WARS1: variants seen among roughly 807,000 people sequenced by gnomAD.
The protein encoded by WARS1 is tryptophanyl-tRNA synthetase 1, also known as tryptophan--tRNA ligase, cytoplasmic.
A neutral mutation model predicts 47.8 loss-of-function variants in WARS1; 17 were observed. That is an observed-to-expected ratio of 0.36 (90% confidence interval 0.24 to 0.53). WARS1 has a LOEUF of 0.53. WARS1 is among the 20% of genes least tolerant of loss of function. The pLI is 0.91. For missense variants in WARS1, 434 were observed against 608.0 expected (o/e 0.71, Z 3.01); for synonymous variants, 208 against 228.1 (o/e 0.91, Z 0.79).
chr14:100,336,224 C>G (rs530203806), intron 10 of WARS1, among the ~76,000 whole-genome samples: 1 of 142,820 alleles, frequency 7.0e-6, no homozygotes, highest in Non-Finnish European at 1.5e-5. Context: ...TGCAGTGAGC[C>G]GAGATTGCGC....
intron 2 of WARS1, chr14:100,366,990 A>G (rs1261638965): frequency 8.0e-7 from 1 of 1,245,438 alleles, no homozygotes; most frequent in Non-Finnish European, 1.2e-6. Flanking sequence ...ACTGTAGCCT[A>G]CTCGTCTGGT....
intron 8 of WARS1, among the ~76,000 whole-genome samples, chr14:100,342,891 C>T (rs1201041349): frequency 1.3e-5 from 2 of 152,020 alleles, no homozygotes; most frequent in African/African-American, 4.8e-5. Context: ...CCTTGCCCCA[C>T]TCCCCAACTT....
chr14:100,339,103 TCA>T lies in WARS1; in HGVS notation c.1114-1903_1114-1902del, dbSNP rs528163285. ...CCTGGGCAACAAGAGTGAAACTCCA[TCA>T]CACACACACACACACACATACACAC... On this transcript the variant is annotated intron_variant, in intron 9 of 10. Coordinates refer to ENST00000392882, the MANE Select transcript of WARS1 (RefSeq NM_004184.4). 1.7e-4 allele frequency among the ~76,000 whole-genome samples: 24 copies of T among 145,398 alleles called. 2 individuals carry two copies. The highest frequency in any genetic ancestry group is 4.5e-4 in the South Asian group (2 of 4,462).
upstream of WARS1, chr14:100,375,452 A>G (rs1432475063): frequency 6.6e-6 from 1 of 152,180 alleles, no homozygotes; most frequent in African/African-American, 2.4e-5. Context: ...CCCTGCATTC[A>G]GCTAAGGGTT....
At position 100,354,643 on chromosome 14, in the gene WARS1, G is replaced by A. The variant is rs1009812; in HGVS notation, c.423-77C>T. On this transcript the variant is annotated intron_variant, in intron 4 of 10. Transcript: ENST00000392882. ...AGGCACTAATGCACTTTTGGAAATGGAAAATATAGACAGAGACGAAACAAC... is the reference window on the plus strand; with the variant it reads ...AGGCACTAATGCACTTTTGGAAATGAAAAATATAGACAGAGACGAAACAAC... The A allele has an allele frequency of 0.73, 1,096,863 of 1,495,196 alleles. 405,554 individuals carry two copies. The highest frequency in any genetic ancestry group is 0.83 in the Admixed American group (38,381 of 46,212). The allele number at this position is 1,495,196 out of a possible 1,614,324, so 92.6% of individuals were successfully genotyped here.
intron 2 of WARS1, chr14:100,365,515 G>T: frequency 4.0e-6 from 1 of 252,794 alleles, no homozygotes; most frequent in Non-Finnish European, 8.2e-6. Context: ...AGGAGGCAGA[G>T]GTTGTAGTGA....
intron 7 of WARS1, among the ~76,000 whole-genome samples, chr14:100,344,334 C>T (rs1026179647): frequency 6.6e-6 from 1 of 152,228 alleles, no homozygotes; most frequent in African/African-American, 2.4e-5. Flanking sequence ...ATCAGCCAGC[C>T]TCGGCCTCCT....
chr14:100,366,751 G>A, intron 2 of WARS1: 2 of 908,756 alleles, frequency 2.2e-6, no homozygotes, highest in Non-Finnish European at 3.7e-6. Flanking sequence ...AAGGGCTAAG[G>A]GATCCGTGGG....
intron 6 of WARS1, among the ~76,000 whole-genome samples, chr14:100,352,627 G>A (rs1378533393): frequency 6.6e-6 from 1 of 152,176 alleles, no homozygotes; most frequent in Non-Finnish European, 1.5e-5. Flanking sequence ...TCCTCCTGGG[G>A]AATCACTTTA....
chr14:100,371,445 C>T (rs377511552), intron 1 of WARS1, among the ~76,000 whole-genome samples: 1,720 of 36,372 alleles, frequency 0.047, 39 homozygotes, highest in African/African-American at 0.094. Context: ...AAGGTTCTGT[C>T]TCAAAAAAAA....
chr14:100,359,768 TA>T (rs1350683534), intron 4 of WARS1, among the ~76,000 whole-genome samples: 1 of 152,182 alleles, frequency 6.6e-6, no homozygotes, highest in Non-Finnish European at 1.5e-5. Context: ...ACTGTACATT[TA>T]AAAAAATAAG....
intron 5 of WARS1, 84 bp from the exon 6 acceptor site, chr14:100,353,953 C>G: frequency 1.5e-6 from 2 of 1,297,678 alleles, no homozygotes; most frequent in Non-Finnish European, 1.1e-6. Flanking sequence ...ACAGCTCCTA[C>G]TTACAACGTA....
intron 4 of WARS1, among the ~76,000 whole-genome samples, chr14:100,359,360 A>G (rs376298395): frequency 2.6e-5 from 4 of 152,384 alleles, no homozygotes; most frequent in African/African-American, 9.6e-5. Context: ...GTATGGATAC[A>G]TGCTACAACA....
At position 100,343,406 on chromosome 14, in the gene WARS1, AT is replaced by A; in HGVS notation, c.827-20del. 6.3e-7 allele frequency: 1 copy of A among 1,589,022 alleles called. No individual in the cohort carries two copies. The highest frequency in any genetic ancestry group is 1.1e-5 in the South Asian group (1 of 89,198). ...ATCTTCCCTGAAAATGAGAAAAAGTATTTTTACACGTGAGATGAGTTCCTGT... is the reference window on the plus strand; with the variant it reads ...ATCTTCCCTGAAAATGAGAAAAAGTATTTTACACGTGAGATGAGTTCCTGT... On this transcript the variant is annotated intron_variant, in intron 7 of 10. Coordinates refer to ENST00000392882, the MANE Select transcript of WARS1 (RefSeq NM_004184.4).
chr14:100,361,846 T>C lies in WARS1; in HGVS notation c.175A>G (p.Lys59Glu), dbSNP rs779464091. 6.8e-6 allele frequency: 11 copies of C among 1,614,214 alleles called. No homozygotes were observed. In the South Asian group the frequency reaches 1.1e-4, roughly 16 times the overall value. Reference protein sequence around the residue: ...SYKAAAGEDYKADCPPGNPAP... With the variant: ...SYKAAAGEDYEADCPPGNPAP... ...GGGTTCCCTGGAGGACAGTCAGCCT[T>C]GTAATCCTCCCCCGCGGCAGCTTTG... Residue 59 changes from lysine (K) to glutamate (E), a missense_variant, in exon 3 of 11, where the codon AAG becomes GAG. This residue lies in a region of WARS1 where 87 missense variants were observed against 84.2 expected (regional missense o/e 1.03). Transcript: ENST00000392882.
intron 6 of WARS1, among the ~76,000 whole-genome samples, chr14:100,350,520 G>T (rs1001651142): frequency 6.6e-6 from 1 of 152,000 alleles, no homozygotes; most frequent in African/African-American, 2.4e-5. Flanking sequence ...TTCAGAGAGC[G>T]CTGAAAGTGG....
intron 7 of WARS1, among the ~76,000 whole-genome samples, chr14:100,344,860 G>A (rs920659155): frequency 9.3e-5 from 14 of 150,320 alleles, no homozygotes; most frequent in Non-Finnish European, 1.8e-4. Context: ...CCGCCCGCCT[G>A]AGAAGTGAGG....
chr14:100,344,409 C>T (rs1378738030), intron 7 of WARS1, among the ~76,000 whole-genome samples: 2 of 152,280 alleles, frequency 1.3e-5, no homozygotes, highest in East Asian at 3.9e-4. Context: ...GGCTGGAGTG[C>T]AGTGGTGTGA....
chr14:100,337,280 T>G, intron 9 of WARS1, 78 bp from the exon 10 acceptor site: 1 of 1,573,788 alleles, frequency 6.4e-7, no homozygotes, highest in South Asian at 1.1e-5. Flanking sequence ...AGCCCAAGTG[T>G]GGAAGTCAGA....
Sources: allele counts gnomAD v4.1 joint callset (sites outside exome capture counted in the v4.1 genomes callset), GRCh38; gene constraint gnomAD v4.1.1; regional missense constraint gnomAD v4.1.1; transcripts MANE v1.5; gene names NCBI Gene and HGNC (gene_info 2026-07-23, HGNC 2026-07-21).